The following TOX2 variants were observed in gnomAD, a reference collection of about 807,000 sequenced individuals.
TOX2 encodes TOX high mobility group box family member 2.
Under a neutral mutation model 47.4 loss-of-function variants are expected in TOX2, and 15 were observed. The ratio of observed to expected loss-of-function variants is 0.32; its 90% CI spans 0.21 to 0.49. TOX2 has a LOEUF of 0.49. Ranked by LOEUF, TOX2 falls within the 20% of genes least tolerant of loss-of-function variation. The pLI, the probability that TOX2 is intolerant of heterozygous loss-of-function variation, is 0.99. For missense variants in TOX2, 622 were observed against 673.1 expected (o/e 0.92, Z 0.84); for synonymous variants, 290 against 296.6 (o/e 0.98, Z 0.23).
intron 2 of TOX2, among the ~76,000 whole-genome samples, chr20:43,974,342 A>G (rs1457202217): frequency 6.7e-6 from 1 of 150,302 alleles, no homozygotes; most frequent in Admixed American, 6.6e-5. Context: ...CCCCAGGGAG[A>G]GTCCTTACTG....
intron 1 of TOX2, among the ~76,000 whole-genome samples, chr20:43,937,457 T>TGAGGAAGGGGGAGGAGGAAGC (rs1385434215): frequency 2.6e-5 from 4 of 151,816 alleles, no homozygotes; most frequent in Non-Finnish European, 5.9e-5. Flanking sequence ...GAGTTCAGTT[T>TGAGGAAGGGGGAGGAGGAAGC]GAGGAAGGGG....
At chr20:44,053,479 T>C (rs1267924686) in intron 4 of TOX2, among the ~76,000 whole-genome samples, 3 of 141,900 alleles carry the variant, frequency 2.1e-5, no homozygotes, top group African/African-American at 8.1e-5. Context: ...CACATATATA[T>C]ATACACACAT....
chr20:43,930,710 G>C (rs563916326), intron 1 of TOX2, among the ~76,000 whole-genome samples: 3 of 152,050 alleles, frequency 2.0e-5, no homozygotes, highest in Admixed American at 6.6e-5. Flanking sequence ...AGGACTTTTT[G>C]GTGGCTTCTC....
intron 3 of TOX2, among the ~76,000 whole-genome samples, chr20:44,034,237 C>G (rs560530420): frequency 6.6e-6 from 1 of 151,644 alleles, no homozygotes; most frequent in East Asian, 1.9e-4. Flanking sequence ...AGAGTCAGTT[C>G]AGTTTTTTTT....
rs6130514 is a variant in TOX2, at chr20:44,066,857, G to T, written c.1484G>T (p.Ser495Ile). Residue 495 changes from serine to isoleucine, a missense_variant and splice_region_variant, in exon 8 of 9, where the codon AGC becomes ATC. Transcript: ENST00000341197. ...GGGGAGTGTGGCATCAGCACCTGCA[G>T]GTTAGTCCTCGCCCGTCCCTGCCTT... ...PSGECGISTCSLLPRDKSLYL... is the reference protein window; with the variant it reads ...PSGECGISTCILLPRDKSLYL... The T allele has an allele frequency of 1.9e-6, 3 of 1,613,068 alleles. No individual in the cohort carries two copies. The highest frequency in any genetic ancestry group is 2.5e-6 in the Non-Finnish European group (3 of 1,179,412).
At chr20:43,989,462 G>A (rs550748779) in intron 2 of TOX2, among the ~76,000 whole-genome samples, 34 of 152,230 alleles carry the variant, frequency 2.2e-4, no homozygotes, top group Non-Finnish European at 4.6e-4. Context: ...CAATTCATGA[G>A]CTAGGCTTTT....
intron 2 of TOX2, among the ~76,000 whole-genome samples, chr20:43,986,368 G>T (rs1250865194): frequency 6.6e-6 from 1 of 152,054 alleles, no homozygotes; most frequent in African/African-American, 2.4e-5. Flanking sequence ...TGCAACCTCC[G>T]CCTCCTGGGT....
intron 1 of TOX2, among the ~76,000 whole-genome samples, chr20:43,943,066 C>A (rs772147159): frequency 1.2e-4 from 18 of 152,092 alleles, no homozygotes; most frequent in Admixed American, 2.6e-4. Context: ...GGTCTCACAG[C>A]CTTGGATTTG....
intron 1 of TOX2, among the ~76,000 whole-genome samples, chr20:43,967,473 C>T (rs1213944886): frequency 5.3e-5 from 8 of 152,056 alleles, no homozygotes; most frequent in East Asian, 1.9e-4. Flanking sequence ...TTTACCCACC[C>T]GGGAACCCAC....
chr20:44,037,048 G>A (rs1256260902), intron 3 of TOX2, among the ~76,000 whole-genome samples: 1 of 152,132 alleles, frequency 6.6e-6, no homozygotes, highest in Non-Finnish European at 1.5e-5. Context: ...TCTACCTCCC[G>A]GGTTCAAGCG....
intron 3 of TOX2, among the ~76,000 whole-genome samples, chr20:44,008,574 A>G (rs2070726720): frequency 6.6e-6 from 1 of 151,910 alleles, no homozygotes; most frequent in Admixed American, 6.6e-5. Context: ...AAAAAAAAAT[A>G]ATAATGGCTG....
At chr20:44,034,738 A>G (rs1260367091) in intron 3 of TOX2, among the ~76,000 whole-genome samples, 1 of 152,204 alleles carries the variant, frequency 6.6e-6, no homozygotes, top group Non-Finnish European at 1.5e-5. Context: ...ACTGGCATGC[A>G]GGAGCTTTGT....
chr20:44,047,441 G>A (rs2071427470), intron 3 of TOX2, among the ~76,000 whole-genome samples: 1 of 152,192 alleles, frequency 6.6e-6, no homozygotes, highest in South Asian at 2.1e-4. Flanking sequence ...TAATAGAGAA[G>A]AAAGCAGAAT....
chr20:43,993,891 G>A (rs2070415558), intron 2 of TOX2, among the ~76,000 whole-genome samples: 2 of 152,188 alleles, frequency 1.3e-5, no homozygotes, highest in East Asian at 1.9e-4. Context: ...AGTAGCTCAC[G>A]CGTGTAATCC....
In TOX2 at chr20:44,054,510, G is replaced by C. The variant is rs2071583283; in HGVS notation, c.863G>C (p.Gly288Ala). 1.9e-6 allele frequency: 3 copies of C among 1,614,004 alleles called. No homozygotes were observed. In the East Asian group the frequency reaches 6.7e-5, roughly 36 times the overall value. ...KIVASMWDSL[G>A]EEQKQAYKRK... ...GTGGCCTCCATGTGGGACAGCCTGG[G>C]AGAGGAACAGAAGCAGGTGAGCCTC... The change falls in exon 5 of 9, where the codon GGA becomes GCA. Residue 288 changes from glycine to alanine, a missense_variant. This residue lies in a region of TOX2 where 294 missense variants were observed against 300.0 expected (regional missense o/e 0.98). Transcript: ENST00000341197.
chr20:43,999,029 GGATTA>G (rs1569079843), intron 2 of TOX2, among the ~76,000 whole-genome samples: 28 of 152,224 alleles, frequency 1.8e-4, no homozygotes. Flanking sequence ...CAAAGTTCTC[GGATTA>G]CAGGCGTGCG....
intron 1 of TOX2, among the ~76,000 whole-genome samples, chr20:43,949,726 A>C (rs1258738233): frequency 1.3e-5 from 2 of 152,148 alleles, no homozygotes; most frequent in East Asian, 3.8e-4. Context: ...ACGGCTTTCC[A>C]GAAGCCTTCT....
At chr20:44,053,487 CATAT>C (rs1259451547) in intron 4 of TOX2, among the ~76,000 whole-genome samples, 6 of 146,630 alleles carry the variant, frequency 4.1e-5, no homozygotes, top group Admixed American at 2.0e-4. Context: ...TATATACACA[CATAT>C]ATATACAGAC....
chr20:44,059,935 C>T (rs545625064), intron 5 of TOX2, among the ~76,000 whole-genome samples: 5 of 152,132 alleles, frequency 3.3e-5, no homozygotes, highest in Non-Finnish European at 5.9e-5. Context: ...TGTAAATGGC[C>T]TAAATGCTCC....
Sources: gnomAD v4.1 joint callset for allele counts (sites outside exome capture counted in the v4.1 genomes callset) on GRCh38, gnomAD v4.1.1 for gene constraint, gnomAD v4.1.1 regional missense constraint, MANE v1.5 for transcripts, NCBI Gene and HGNC (gene_info 2026-07-23, HGNC 2026-07-21) for gene names.